PDP2: variants seen among roughly 807,000 people sequenced by gnomAD.
PDP2 encodes the protein [Pyruvate dehydrogenase [acetyl-transferring]]-phosphatase 2, mitochondrial.
PDP2 carries 23 observed loss-of-function variants against 34.2 expected under a neutral mutation model. The observed-to-expected ratio is 0.67, with a 90% CI of 0.48 to 0.95. PDP2 has a LOEUF of 0.95. Among genes scored for constraint, PDP2 ranks in the 40% least tolerant of loss-of-function variants. The pLI, the probability that PDP2 is intolerant of heterozygous loss-of-function variation, is 0.00. For synonymous variants in PDP2, 275 were observed against 269.2 expected (o/e 1.02, Z -0.21); for missense variants, 571 against 659.6 (o/e 0.87, Z 1.47).
In PDP2 at chr16:66,887,995, T is replaced by TCCG. The variant is rs1567520864; in HGVS notation, c.*2121_*2122insCCG. 74 of 25,370 alleles carry TCCG rather than the reference T, an allele frequency of 2.9e-3. No homozygotes were observed. The highest frequency in any genetic ancestry group is 9.3e-3 in the African/African-American group (36 of 3,886). 1.6% of individuals were successfully genotyped at this position (25,370 alleles called of 1,614,324 possible). A position where few individuals can be genotyped will look rare whatever the true frequency, so the allele number is the denominator to read the frequency against. On this transcript the variant is annotated 3_prime_UTR_variant, in exon 2 of 2. Coordinates refer to ENST00000311765, the MANE Select transcript of PDP2 (RefSeq NM_020786.4). ...ATCCATCTTATCTCTTAGTCCGTCCTTCCTTCCTTCCTTCCTTCCTTCCTT... is the reference window on the plus strand; with the variant it reads ...ATCCATCTTATCTCTTAGTCCGTCCTCCGTCCTTCCTTCCTTCCTTCCTTCCTT...
Position 66,885,755 on chromosome 16 carries a change from C to A in PDP2, c.1471C>A (p.Arg491=). ...TGAGTATGGGGAGATGGAGGCAGAGCGGCTGGCGGCGATGCTGACATTGCC... is the reference window on the plus strand; with the variant it reads ...TGAGTATGGGGAGATGGAGGCAGAGAGGCTGGCGGCGATGCTGACATTGCC... ...NNEYGEMEAE[R]LAAMLTLPED... The change falls in exon 2 of 2, where the codon CGG becomes AGG. Residue 491 remains arginine (R), a synonymous_variant. Transcript: ENST00000311765. This position sits in a 1 kb window ranked among gnomAD's most constrained non-coding sequence, Gnocchi z 4.6. 6.2e-7 allele frequency: 1 copy of A among 1,613,230 alleles called. No individual in the cohort carries two copies. The highest frequency in any genetic ancestry group is 8.5e-7 in the Non-Finnish European group (1 of 1,179,866).
rs1961754412 is a variant in PDP2, at chr16:66,886,039, G to A, written c.*165G>A. The A allele has an allele frequency of 1.5e-6, 1 of 664,222 alleles. No individual in the cohort carries two copies. The allele number at this position is 664,222 out of a possible 1,614,324, so 41.1% of individuals were successfully genotyped here. A position where few individuals can be genotyped will look rare whatever the true frequency, so the allele number is the denominator to read the frequency against. On this transcript the variant is annotated 3_prime_UTR_variant, in exon 2 of 2. Transcript: ENST00000311765. Reference sequence around the variant, plus strand: ...ACAAACAGCCTAGCTTTAAAAAACAGTGAAATAGCAGTGATTTCATGTCCC... The same window carrying A: ...ACAAACAGCCTAGCTTTAAAAAACAATGAAATAGCAGTGATTTCATGTCCC...
At chr16:66,883,819 T>C (rs1189903388) in intron 1 of PDP2, among the ~76,000 whole-genome samples, 1 of 151,698 alleles carries the variant, frequency 6.6e-6, no homozygotes, top group Non-Finnish European at 1.5e-5. Flanking sequence ...TTAAATAGTT[T>C]ATTCTAAGTC....
Position 66,886,161 on chromosome 16 carries a change from G to T in PDP2, c.*287G>T, listed in dbSNP as rs1281086607. ...GTAGCCCCAGTCATTTGATAAAGATGTTGTTAAACTGTGTCAGCCTGAGCC... is the reference window on the plus strand; with the variant it reads ...GTAGCCCCAGTCATTTGATAAAGATTTTGTTAAACTGTGTCAGCCTGAGCC... On this transcript the variant is annotated 3_prime_UTR_variant, in exon 2 of 2. Coordinates refer to ENST00000311765, the MANE Select transcript of PDP2 (RefSeq NM_020786.4). 1 of 355,296 alleles carries T rather than the reference G, an allele frequency of 2.8e-6. No individual in the cohort carries two copies. The highest frequency in any genetic ancestry group is 4.3e-5 in the Admixed American group (1 of 23,088). 22.0% of individuals were successfully genotyped at this position (355,296 alleles called of 1,614,324 possible). A position where few individuals can be genotyped will look rare whatever the true frequency, so the allele number is the denominator to read the frequency against.
chr16:66,885,502 C>T lies in PDP2; in HGVS notation c.1218C>T (p.Phe406=), dbSNP rs1334809558. The T allele has an allele frequency of 3.9e-5, 63 of 1,613,952 alleles. No individual in the cohort carries two copies. Among genetic ancestry groups the T allele is most frequent in the Non-Finnish European group, 5.3e-5 (62 of 1,180,052 alleles). The stretch of plus-strand genomic sequence containing the variant: ...ACAGGCTGAGGCCCCAGGATAAGTT[C>T]CTTGTGCTGGCCTCAGATGGCCTGT... The part of the protein sequence containing the change: ...TYHRLRPQDK[F]LVLASDGLWD... The change falls in exon 2 of 2, where the codon TTC becomes TTT. Residue 406 remains phenylalanine (F), a synonymous_variant. Coordinates refer to ENST00000311765, the MANE Select transcript of PDP2 (RefSeq NM_020786.4). This position sits in a 1 kb window ranked among gnomAD's most constrained non-coding sequence, Gnocchi z 4.6.
chr16:66,885,835 T>C lies in PDP2; in HGVS notation c.1551T>C (p.Phe517=). ...RDDITVTVVY[F]NSESIGAYYK... is the part of the protein sequence containing the mutation. ...ATATCACTGTCACTGTGGTGTATTT[T>C]AACTCAGAATCAATCGGTGCATATT... Residue 517 remains phenylalanine, a synonymous_variant, in exon 2 of 2, where the codon TTT becomes TTC. Coordinates refer to ENST00000311765, the MANE Select transcript of PDP2 (RefSeq NM_020786.4). The surrounding 1 kb of genome is among the most constrained non-coding windows in gnomAD (Gnocchi z 4.6). 6.2e-7 allele frequency: 1 copy of C among 1,611,584 alleles called. No individual in the cohort carries two copies. The highest frequency in any genetic ancestry group is 8.5e-7 in the Non-Finnish European group (1 of 1,178,626).
rs370795003 is a variant in PDP2, at chr16:66,890,526, T to C, written c.*4652T>C. ...GCATCTTTTAAACATAAGTGAAATA[T>C]AGAGAGCTTGAACTTGAGTTACTTA... On this transcript the variant is annotated 3_prime_UTR_variant, in exon 2 of 2. Transcript: ENST00000311765. The C allele has an allele frequency of 1.3e-5, 2 of 152,188 alleles. No homozygotes were observed. Among genetic ancestry groups the C allele is most frequent in the African/African-American group, 4.8e-5 (2 of 41,446 alleles). The allele number at this position is 152,188 out of a possible 1,614,324, so 9.4% of individuals were successfully genotyped here. A position where few individuals can be genotyped will look rare whatever the true frequency, so the allele number is the denominator to read the frequency against.
Position 66,885,643 on chromosome 16 carries a change from C to T in PDP2, c.1359C>T (p.Ser453=), listed in dbSNP as rs747757233. 1.1e-5 allele frequency: 18 copies of T among 1,613,960 alleles called. 1 individual carries two copies. The South Asian group carries it at 1.9e-4, about 17-fold the overall frequency. ...QRPANLGLMQ[S]LLLQRKASGL... The stretch of plus-strand genomic sequence containing the variant: ...CCGCCAACTTGGGGCTCATGCAGAG[C>T]CTGCTGCTGCAGAGGAAAGCCAGCG... The change falls in exon 2 of 2, where the codon AGC becomes AGT. Residue 453 remains serine (S), a synonymous_variant. Coordinates refer to ENST00000311765, the MANE Select transcript of PDP2 (RefSeq NM_020786.4). The surrounding 1 kb of genome is among the most constrained non-coding windows in gnomAD (Gnocchi z 4.6).
intron 1 of PDP2, among the ~76,000 whole-genome samples, chr16:66,882,819 T>C (rs549665365): frequency 6.6e-6 from 1 of 152,302 alleles, no homozygotes; most frequent in African/African-American, 2.4e-5. Context: ...TGGGGAAATA[T>C]ACATGTATAT....
In PDP2 at chr16:66,885,579, C is replaced by G; in HGVS notation, c.1295C>G (p.Ala432Gly). Residue 432 changes from alanine (A) to glycine (G), a missense_variant, in exon 2 of 2, where the codon GCT becomes GGT. Coordinates refer to ENST00000311765, the MANE Select transcript of PDP2 (RefSeq NM_020786.4). This position sits in a 1 kb window ranked among gnomAD's most constrained non-coding sequence, Gnocchi z 4.6. ...GTAAGGCTGGTGGTGGGGCACCTGG[C>G]TGAGGCAGATTGGCACAAGACAGAC... is the stretch of plus-strand genomic sequence containing the variant. ...DVVRLVVGHL[A>G]EADWHKTDLA... 1 of 1,614,084 alleles carries G rather than the reference C, an allele frequency of 6.2e-7. No individual in the cohort carries two copies. The highest frequency in any genetic ancestry group is 8.5e-7 in the Non-Finnish European group (1 of 1,180,034).
intron 1 of PDP2, among the ~76,000 whole-genome samples, chr16:66,883,496 T>C (rs1197308630): frequency 2.6e-5 from 4 of 152,108 alleles, no homozygotes; most frequent in African/African-American, 4.8e-5. Flanking sequence ...TAGACTGCAG[T>C]GGCACAATCA....
At position 66,888,008 on chromosome 16, in the gene PDP2, TC is replaced by T. The variant is rs1317102011; in HGVS notation, c.*2136del. The T allele has an allele frequency of 7.4e-4, 72 of 97,336 alleles. 2 individuals carry two copies. The highest frequency in any genetic ancestry group is 5.7e-3 in the African/African-American group (68 of 11,866). The allele number at this position is 97,336 out of a possible 1,614,324, so 6.0% of individuals were successfully genotyped here. ...CTTAGTCCGTCCTTCCTTCCTTCCTTCCTTCCTTCCTTCCTTCCTTCCTTCC... is the reference window on the plus strand; with the variant it reads ...CTTAGTCCGTCCTTCCTTCCTTCCTTCTTCCTTCCTTCCTTCCTTCCTTCC... On this transcript the variant is annotated 3_prime_UTR_variant, in exon 2 of 2. Coordinates refer to ENST00000311765, the MANE Select transcript of PDP2 (RefSeq NM_020786.4).
rs1961850626 is a variant in PDP2, at chr16:66,888,014, C to A, written c.*2140C>A. 8.4e-6 allele frequency: 1 copy of A among 119,730 alleles called. No individual in the cohort carries two copies. The highest frequency in any genetic ancestry group is 4.7e-5 in the African/African-American group (1 of 21,436). 7.4% of individuals were successfully genotyped at this position (119,730 alleles called of 1,614,324 possible). A position where few individuals can be genotyped will look rare whatever the true frequency, so the allele number is the denominator to read the frequency against. ...CCGTCCTTCCTTCCTTCCTTCCTTC[C>A]TTCCTTCCTTCCTTCCTTCCTTCCT... On this transcript the variant is annotated 3_prime_UTR_variant, in exon 2 of 2. Transcript: ENST00000311765.
chr16:66,884,294 A>C lies in PDP2; in HGVS notation c.10A>C (p.Thr4Pro), dbSNP rs867625213. The C allele has an allele frequency of 6.2e-7, 1 of 1,604,076 alleles. No homozygotes were observed. The highest frequency in any genetic ancestry group is 2.2e-5 in the East Asian group (1 of 44,762). MSS[T>P]VSYWILNSTR... is the part of the protein sequence containing the mutation. ...CTGGTATAGTTTCAGAATGTCAAGT[A>C]CTGTGTCCTACTGGATCTTAAATTC... The change falls in exon 2 of 2, where the codon ACT becomes CCT. Residue 4 changes from threonine (T) to proline (P), a missense_variant. This residue lies in a region of PDP2 where 290 missense variants were observed against 283.8 expected (regional missense o/e 1.02). Transcript: ENST00000311765.
In PDP2 at chr16:66,884,871, G is replaced by C; in HGVS notation, c.587G>C (p.Ser196Thr). The C allele has an allele frequency of 6.2e-7, 1 of 1,614,094 alleles. No individual in the cohort carries two copies. The highest frequency in any genetic ancestry group is 8.5e-7 in the Non-Finnish European group (1 of 1,179,996). ...CATTGGCTCAAGCACCCAGGGGACA[G>C]TATCTACAAGGATGTCACATCTGTG... ...ILHWLKHPGDSIYKDVTSVHL... is the reference protein window; with the variant it reads ...ILHWLKHPGDTIYKDVTSVHL... The change falls in exon 2 of 2, where the codon AGT becomes ACT. Residue 196 changes from serine (S) to threonine (T), a missense_variant. By Grantham distance (58) the Ser-to-Thr change is moderately conservative. Coordinates refer to ENST00000311765, the MANE Select transcript of PDP2 (RefSeq NM_020786.4).
At chr16:66,882,246 A>G (rs1407718276) in intron 1 of PDP2, among the ~76,000 whole-genome samples, 2 of 152,292 alleles carry the variant, frequency 1.3e-5, no homozygotes, top group Non-Finnish European at 2.9e-5. Flanking sequence ...TGAGCCTAGG[A>G]GTTTGAGACC....
intron 1 of PDP2, 54 bp from the exon 2 acceptor site, chr16:66,884,173 CAAAA>C (rs575688634): frequency 3.1e-3 from 1,981 of 636,132 alleles, no homozygotes; most frequent in Middle Eastern, 5.6e-3. Flanking sequence ...GACTACGTCT[CAAAA>C]AAAAAAAAAA....
At position 66,884,712 on chromosome 16, in the gene PDP2, A is replaced by G; in HGVS notation, c.428A>G (p.His143Arg). ...NGLMFGIFDG[H>R]GGHACAQAVS... ...CTGATGTTTGGCATCTTCGATGGAC[A>G]TGGTGGTCATGCATGTGCCCAAGCA... The change falls in exon 2 of 2, where the codon CAT (histidine) becomes CGT (arginine). Residue 143 changes from histidine to arginine, a missense_variant. His to Arg is a conservative substitution (Grantham distance 29). Coordinates refer to ENST00000311765, the MANE Select transcript of PDP2 (RefSeq NM_020786.4). 1 of 1,614,220 alleles carries G rather than the reference A, an allele frequency of 6.2e-7. No individual in the cohort carries two copies.
At chr16:66,882,422 C>T (rs1961561347) in intron 1 of PDP2, among the ~76,000 whole-genome samples, 1 of 151,452 alleles carries the variant, frequency 6.6e-6, no homozygotes, top group African/African-American at 2.4e-5. Flanking sequence ...GGGACAGAGC[C>T]AGGCTCCATC....
Sources: allele counts gnomAD v4.1 joint callset (sites outside exome capture counted in the v4.1 genomes callset), GRCh38; gene constraint gnomAD v4.1.1; regional missense constraint gnomAD v4.1.1; non-coding constraint Gnocchi (gnomAD v3.1); transcripts MANE v1.5; gene names NCBI Gene and HGNC (gene_info 2026-07-23, HGNC 2026-07-21).